The following PPA2 variants were observed in gnomAD, a reference collection of about 807,000 sequenced individuals.
PPA2 encodes the protein inorganic pyrophosphatase 2.
In PPA2, 48 loss-of-function variants were observed where a neutral mutation model predicts 49.5. That is an observed-to-expected ratio of 0.97 (90% CI 0.77 to 1.23). The LOEUF (loss-of-function observed/expected upper bound fraction) is 1.23. Ranked by LOEUF, PPA2 falls within the 50% of genes most tolerant of loss-of-function variation. The pLI is 0.00. For synonymous variants in PPA2, 131 were observed against 139.9 expected (o/e 0.94, Z 0.45); for missense variants, 429 against 410.1 (o/e 1.05, Z -0.40).
chr4:105,429,486 AG>A (rs1450518716), intron 6 of PPA2, among the ~76,000 whole-genome samples: 1 of 152,248 alleles, frequency 6.6e-6, no homozygotes, highest in Non-Finnish European at 1.5e-5. Context: ...AGTCATTTTA[AG>A]GTCTAAGGAC....
intron 7 of PPA2, among the ~76,000 whole-genome samples, chr4:105,419,955 CTTTTT>C (rs35268597): frequency 8.8e-5 from 13 of 147,922 alleles, no homozygotes; most frequent in African/African-American, 3.0e-4. Context: ...CTTTTTCTTT[CTTTTT>C]TTTTTTCGTT....
chr4:105,393,259 T>C (rs111345724), intron 9 of PPA2, among the ~76,000 whole-genome samples: 4,534 of 152,012 alleles, frequency 0.03, 206 homozygotes, highest in African/African-American at 0.093. Context: ...TTTGGGAGGC[T>C]GAGGTGGGTG....
At chr4:105,460,554 T>C (rs1723042392) in intron 1 of PPA2, among the ~76,000 whole-genome samples, 1 of 151,884 alleles carries the variant, frequency 6.6e-6, no homozygotes, top group Non-Finnish European at 1.5e-5. Flanking sequence ...GTCACTAAAG[T>C]AAAAAAGGTA....
At chr4:105,373,691 C>A (rs7695564) in intron 10 of PPA2, among the ~76,000 whole-genome samples, 5,989 of 151,574 alleles carry the variant, frequency 0.04, 395 homozygotes, top group African/African-American at 0.14. Flanking sequence ...GGTTTTATTT[C>A]TTCATTCTTA....
intron 10 of PPA2, among the ~76,000 whole-genome samples, chr4:105,380,741 T>A (rs1490603): frequency 0.52 from 78,495 of 151,812 alleles, 21,209 homozygotes; most frequent in East Asian, 0.68. Flanking sequence ...ATATGTTTGT[T>A]TTCATAAAAA....
At chr4:105,412,640 GA>G (rs1174414276) in intron 7 of PPA2, among the ~76,000 whole-genome samples, 2 of 151,746 alleles carry the variant, frequency 1.3e-5, no homozygotes, top group Admixed American at 6.6e-5. Context: ...AAATTTACAA[GA>G]AAAAAACAAC....
chr4:105,407,422 C>T (rs1263531579), intron 7 of PPA2, among the ~76,000 whole-genome samples: 1 of 152,194 alleles, frequency 6.6e-6, no homozygotes, highest in Non-Finnish European at 1.5e-5. Flanking sequence ...CTCTGGTAAA[C>T]AATTTGACAG....
At chr4:105,428,674 T>TG (rs1357180892) in intron 6 of PPA2, among the ~76,000 whole-genome samples, 3 of 86,402 alleles carry the variant, frequency 3.5e-5, no homozygotes, top group Non-Finnish European at 6.9e-5. Context: ...CTGTTGGGGG[T>TG]GGGGGGCTAG....
chr4:105,402,419 G>A (rs1485888914), intron 7 of PPA2, among the ~76,000 whole-genome samples: 2 of 152,198 alleles, frequency 1.3e-5, no homozygotes, highest in Non-Finnish European at 2.9e-5. Flanking sequence ...CACTTTAGTA[G>A]AGTCTTGGAT....
At chr4:105,452,458 C>A (rs185853574) in intron 3 of PPA2, among the ~76,000 whole-genome samples, 3 of 152,322 alleles carry the variant, frequency 2.0e-5, no homozygotes, top group Admixed American at 2.0e-4. Context: ...CAGGCCCTAT[C>A]CAGCGGAGAA....
chr4:105,446,158 A>C, intron 5 of PPA2: 1 of 380,752 alleles, frequency 2.6e-6, no homozygotes, highest in Non-Finnish European at 4.6e-6. Flanking sequence ...TCAAATGTGA[A>C]CATTCCATAT....
intron 2 of PPA2, among the ~76,000 whole-genome samples, chr4:105,454,246 A>T (rs2110313504): frequency 6.6e-6 from 1 of 152,316 alleles, no homozygotes; most frequent in South Asian, 2.1e-4. Context: ...AAAACAAAAC[A>T]AACAAAATCA....
Position 105,399,028 on chromosome 4 carries a change from C to T in PPA2, c.783+9G>A. On this transcript the variant is annotated intron_variant, in intron 8 of 11. Transcript: ENST00000341695. ...AGGTACATTTTAAAATAAAGATTCT[C>T]ATCTTCACCTTGTTTTTGAATTCTC... The T allele has an allele frequency of 6.2e-7, 1 of 1,605,182 alleles. No individual in the cohort carries two copies. Among genetic ancestry groups the T allele is most frequent in the Non-Finnish European group, 8.5e-7 (1 of 1,177,824 alleles).
In PPA2 at chr4:105,398,803, G is replaced by A. The variant is rs532688609; in HGVS notation, c.783+234C>T. On this transcript the variant is annotated intron_variant, in intron 8 of 11. Coordinates refer to ENST00000341695, the MANE Select transcript of PPA2 (RefSeq NM_176869.3). ...ATGAAATTCCTTCATTTTCCAAGACGTAGGAGCTATAGACACATAGATGGA... is the reference window on the plus strand; with the variant it reads ...ATGAAATTCCTTCATTTTCCAAGACATAGGAGCTATAGACACATAGATGGA... The A allele has an allele frequency of 2.5e-5, 8 of 321,656 alleles. No homozygotes were observed. In the South Asian group the frequency reaches 5.3e-4, roughly 21 times the overall value. The allele number at this position is 321,656 out of a possible 1,614,324, so 19.9% of individuals were successfully genotyped here.
chr4:105,449,975 C>T (rs1722597258), intron 3 of PPA2, among the ~76,000 whole-genome samples: 1 of 152,056 alleles, frequency 6.6e-6, no homozygotes, highest in African/African-American at 2.4e-5. Flanking sequence ...ACTAAATATT[C>T]CAGACTTAGC....
At chr4:105,470,352 G>C (rs1348269548) in intron 1 of PPA2, among the ~76,000 whole-genome samples, 1 of 152,206 alleles carries the variant, frequency 6.6e-6, no homozygotes, top group Non-Finnish European at 1.5e-5. Context: ...CGGGCACAGT[G>C]GTGCATGCCT....
chr4:105,444,294 C>T (rs1724509708), intron 5 of PPA2, among the ~76,000 whole-genome samples: 2 of 152,182 alleles, frequency 1.3e-5, no homozygotes, highest in African/African-American at 4.8e-5. Flanking sequence ...GAGAAGTAAG[C>T]GGAGGCCAGA....
intron 7 of PPA2, among the ~76,000 whole-genome samples, chr4:105,423,900 A>G (rs533216847): frequency 6.6e-6 from 1 of 152,192 alleles, no homozygotes; most frequent in Non-Finnish European, 1.5e-5. Context: ...ACAGTTCCCA[A>G]CAGCAGTTGG....
intron 1 of PPA2, among the ~76,000 whole-genome samples, chr4:105,470,452 T>A (rs1723474803): frequency 6.6e-6 from 1 of 152,152 alleles, no homozygotes; most frequent in Non-Finnish European, 1.5e-5. Flanking sequence ...CACACTGTGC[T>A]CCAGCTTGGG....
Sources: allele counts gnomAD v4.1 joint callset (sites outside exome capture counted in the v4.1 genomes callset), GRCh38; gene constraint gnomAD v4.1.1; transcripts MANE v1.5; gene names NCBI Gene and HGNC (gene_info 2026-07-23, HGNC 2026-07-21).